MTRR: variants seen among roughly 807,000 people sequenced by gnomAD.
The protein encoded by MTRR is methionine synthase reductase.
MTRR carries 63 observed loss-of-function variants against 79.2 expected under a neutral mutation model. The observed-to-expected ratio is 0.80, with a 90% confidence interval of 0.65 to 0.98. The LOEUF (loss-of-function observed/expected upper bound fraction) is 0.98. MTRR is among the 50% of genes least tolerant of loss of function. The pLI is 0.00. For missense variants in MTRR, 895 were observed against 839.6 expected, an observed-to-expected ratio of 1.07 and a Z score of -0.82; for synonymous variants, 355 against 313.3, an observed-to-expected ratio of 1.13 and a Z score of -1.41.
At chr5:7,860,043 G>A (rs1746420103) in intron 1 of MTRR, among the ~76,000 whole-genome samples, 1 of 152,144 alleles carries the variant, frequency 6.6e-6, no homozygotes, top group South Asian at 2.1e-4. Context: ...GGAGCAGAGG[G>A]GCCAGGTAGT....
upstream of MTRR, chr5:7,866,812 A>T: frequency 6.2e-7 from 1 of 1,614,202 alleles, no homozygotes. Flanking sequence ...AAGCAGAGGC[A>T]TTTGGTGGCA....
At chr5:7,851,157 C>T (rs954132624), upstream of MTRR, 11 of 1,072,478 alleles carry the variant, frequency 1.0e-5, no homozygotes, top group Non-Finnish European at 1.3e-5. Context: ...GCCTGGAAAC[C>T]GCCGCCTGGC....
At chr5:7,885,882 G>A in intron 7 of MTRR, 28 bp downstream of exon 7, 1 of 1,613,914 alleles carries the variant, frequency 6.2e-7, no homozygotes. Context: ...GTGACGTTGG[G>A]GTGTTGTGGG....
chr5:7,883,461 CTTGGTTACATATGCTGAGTTGTGTGGTG>C lies in MTRR; in HGVS notation c.903+185_903+212del, dbSNP rs1399015800. On this transcript the variant is annotated intron_variant, in intron 6 of 14. Transcript: ENST00000440940. ...GTTACATATGCTGAGTTGTGTGGTG[CTTGGTTACATATGCTGAGTTGTGTGGTG>C]CTTGGTTACATATGCTGAGTTGTGT... Among the ~76,000 whole-genome samples the C allele has an allele frequency of 2.6e-4, 36 of 137,988 alleles. No individual in the cohort carries two copies. The East Asian group carries it at 9.9e-3, about 38-fold the overall frequency. The allele number at this position is 137,988 out of a possible 152,430, so 90.5% of individuals were successfully genotyped here.
At chr5:7,872,220 C>T (rs570692719) in intron 2 of MTRR, 2 of 454,270 alleles carry the variant, frequency 4.4e-6, no homozygotes, top group Admixed American at 2.4e-5. Flanking sequence ...GTTGTTACCT[C>T]TTTTATCAGT....
intron 1 of MTRR, among the ~76,000 whole-genome samples, chr5:7,851,739 G>A (rs1369473094): frequency 6.6e-6 from 1 of 152,132 alleles, no homozygotes; most frequent in Admixed American, 6.5e-5. Context: ...CTGTGGACAG[G>A]GCTCTTGCAA....
intron 12 of MTRR, 29 bp downstream of exon 12, chr5:7,895,881 A>G (rs377756350): frequency 9.9e-6 from 16 of 1,613,782 alleles, no homozygotes; most frequent in Admixed American, 3.3e-5. Flanking sequence ...TAATGGGAAA[A>G]TGTATTCCTG....
chr5:7,857,192 G>A (rs1297775177), intron 1 of MTRR, among the ~76,000 whole-genome samples: 1 of 152,062 alleles, frequency 6.6e-6, no homozygotes, highest in Non-Finnish European at 1.5e-5. Flanking sequence ...GAAAGGTTAT[G>A]CAATTATTAA....
At chr5:7,891,450 T>G in intron 10 of MTRR, 36 bp downstream of exon 10, 1 of 1,559,548 alleles carries the variant, frequency 6.4e-7, no homozygotes, top group Non-Finnish European at 8.8e-7. Flanking sequence ...ATAGCATTGT[T>G]TCTCCAAAAT....
Position 7,859,969 on chromosome 5 carries a change from G to A in MTRR, n.392-1982G>A, listed in dbSNP as rs568433798. 2.6e-4 allele frequency among the ~76,000 whole-genome samples: 40 copies of A among 152,250 alleles called. 1 individual carries two copies. The highest frequency in any genetic ancestry group is 3.4e-3 in the Middle Eastern group (1 of 294). ...TCAGAGAGCTGGAGGACGCAGCAGG[G>A]ACAAAGAGGGAATGAAGAGGGAGAG... On this transcript the variant is annotated intron_variant and non_coding_transcript_variant, in intron 1 of 3. Coordinates refer to the MTRR transcript ENST00000502509.
In MTRR at chr5:7,891,423, A is replaced by G. The variant is rs2126785823; in HGVS notation, c.1370+9A>G. 1.9e-6 allele frequency: 3 copies of G among 1,603,314 alleles called. No homozygotes were observed. The highest frequency in any genetic ancestry group is 2.6e-6 in the Non-Finnish European group (3 of 1,171,878). ...CCATATTCGTGTGCAAGGTACTACT[A>G]TTTATTCACGTAATATATAGCATTG... is the stretch of plus-strand genomic sequence containing the variant. On this transcript the variant is annotated intron_variant, in intron 10 of 14. Transcript: ENST00000440940.
At position 7,883,078 on chromosome 5, in the gene MTRR, G is replaced by A. The variant is rs555940437; in HGVS notation, c.781-77G>A. 7.3e-5 allele frequency: 116 copies of A among 1,599,912 alleles called. 3 individuals carry two copies. In the South Asian group the frequency reaches 1.2e-3, roughly 17 times the overall value. On this transcript the variant is annotated intron_variant, in intron 5 of 14. Transcript: ENST00000440940. Reference sequence around the variant, plus strand: ...CCAGGAAGTTTTGTAAGCCCCTGTGGATCTTGCGTAGTCACTAATTGAAAG... The same window carrying A: ...CCAGGAAGTTTTGTAAGCCCCTGTGAATCTTGCGTAGTCACTAATTGAAAG...
chr5:7,889,123 C>G lies in MTRR; in HGVS notation c.1175C>G (p.Thr392Ser), dbSNP rs759466209. ...TTTTTGCGAGCCCTTGTGGACTATA[C>G]CAGTGACAGTGCTGAAAAGCGCAGG... ...KAFLRALVDY[T>S]SDSAEKRRLQ... The change falls in exon 9 of 15, where the codon ACC (threonine) becomes AGC (serine). Residue 392 changes from threonine (T) to serine (S), a missense_variant. By Grantham distance (58) the Thr-to-Ser change is moderately conservative (BLOSUM62 1). Transcript: ENST00000440940. 3 of 1,614,004 alleles carry G rather than the reference C, an allele frequency of 1.9e-6. No individual in the cohort carries two copies. The highest frequency in any genetic ancestry group is 2.7e-5 in the African/African-American group (2 of 74,914).
Position 7,891,411 on chromosome 5 carries a change from C to A in MTRR, c.1367C>A (p.Ala456Glu). Reference sequence around the variant, plus strand: ...CTTCAACCCAGACCATATTCGTGTGCAAGGTACTACTATTTATTCACGTAA... The same window carrying A: ...CTTCAACCCAGACCATATTCGTGTGAAAGGTACTACTATTTATTCACGTAA... Reference protein sequence around the residue: ...PKLQPRPYSCASSSLFHPGKL... With the variant: ...PKLQPRPYSCESSSLFHPGKL... Residue 456 changes from alanine (A) to glutamate (E), a missense_variant, in exon 10 of 15, where the codon GCA becomes GAA. By Grantham distance (107) the Ala-to-Glu change is moderately radical (BLOSUM62 -1). Coordinates refer to ENST00000440940, the MANE Select transcript of MTRR (RefSeq NM_002454.3). 1 of 1,606,828 alleles carries A rather than the reference C, an allele frequency of 6.2e-7. No homozygotes were observed. The highest frequency in any genetic ancestry group is 8.5e-7 in the Non-Finnish European group (1 of 1,175,726).
chr5:7,885,802 T>C lies in MTRR; in HGVS notation c.1005T>C (p.Asp335=), dbSNP rs778615276. Residue 335 remains aspartate (D), a synonymous_variant, in exon 7 of 15, where the codon GAT becomes GAC. Coordinates refer to ENST00000440940, the MANE Select transcript of MTRR (RefSeq NM_002454.3). The part of the protein sequence containing the change: ...QSLLQRLQLE[D]KREHCVLLKI... Reference sequence around the variant, plus strand: ...TACTCCAAAGACTGCAGCTTGAAGATAAAAGAGAGCACTGCGTCCTTTTGA... The same window carrying C: ...TACTCCAAAGACTGCAGCTTGAAGACAAAAGAGAGCACTGCGTCCTTTTGA... 2 of 1,614,130 alleles carry C rather than the reference T, an allele frequency of 1.2e-6. No homozygotes were observed. Among genetic ancestry groups the C allele is most frequent in the African/African-American group, 2.7e-5 (2 of 75,010 alleles).
chr5:7,892,184 C>G (rs1737724308), intron 10 of MTRR, among the ~76,000 whole-genome samples: 1 of 152,196 alleles, frequency 6.6e-6, no homozygotes. Flanking sequence ...GTGCACCATT[C>G]TTTTGGTTGA....
intron 14 of MTRR, 81 bp downstream of exon 14, chr5:7,897,328 A>G: frequency 2.2e-6 from 3 of 1,345,806 alleles, no homozygotes; most frequent in Non-Finnish European, 2.1e-6. Context: ...CGAGAAGCCA[A>G]TAATCTAGAT....
intron 7 of MTRR, 147 bp downstream of exon 7, chr5:7,886,001 G>C (rs774467779): frequency 1.1e-6 from 1 of 937,020 alleles, no homozygotes; most frequent in Non-Finnish European, 1.7e-6. Flanking sequence ...TGGGAACACA[G>C]GCATACGCTG....
chr5:7,898,624 G>C (rs181648879), intron 14 of MTRR, among the ~76,000 whole-genome samples: 1 of 152,128 alleles, frequency 6.6e-6, no homozygotes, highest in African/African-American at 2.4e-5. Context: ...GAGGGAGCCT[G>C]TACTGCTGAT....
Sources: allele counts gnomAD v4.1 joint callset (sites outside exome capture counted in the v4.1 genomes callset), GRCh38; gene constraint gnomAD v4.1.1; transcripts MANE v1.5; gene names NCBI Gene and HGNC (gene_info 2026-07-23, HGNC 2026-07-21).